ADAMTS17: variants seen among roughly 807,000 people sequenced by gnomAD.
The protein encoded by ADAMTS17 is A disintegrin and metalloproteinase with thrombospondin motifs 17.
A neutral mutation model predicts 141.5 loss-of-function variants in ADAMTS17; 113 were observed. The ratio of observed to expected loss-of-function variants is 0.80; its 90% CI spans 0.69 to 0.93. ADAMTS17 has a LOEUF of 0.93. ADAMTS17 is among the 40% of genes least tolerant of loss of function. ADAMTS17 has a pLI of 0.00. For missense variants in ADAMTS17, 1,659 were observed against 1,517.9 expected, an observed-to-expected ratio of 1.09 and a Z score of -1.54; for synonymous variants, 768 against 630.6, an observed-to-expected ratio of 1.22 and a Z score of -3.27.
At chr15:100,008,008 T>C (rs2061071534) in intron 18 of ADAMTS17, among the ~76,000 whole-genome samples, 1 of 152,080 alleles carries the variant, frequency 6.6e-6, no homozygotes. Flanking sequence ...GGGAAGGGAC[T>C]GCACCTGTAG....
chr15:99,980,681 C>T (rs1429828144), intron 20 of ADAMTS17: 3 of 152,242 alleles, frequency 2.0e-5, no homozygotes, highest in East Asian at 1.9e-4. Flanking sequence ...GAAGGGCTTC[C>T]GTTTCTTCTG....
intron 7 of ADAMTS17, among the ~76,000 whole-genome samples, chr15:100,219,758 C>T (rs1333049873): frequency 6.6e-6 from 1 of 152,194 alleles, no homozygotes; most frequent in Non-Finnish European, 1.5e-5. Context: ...AAGGCCCCTT[C>T]ATCTGACCTG....
intron 7 of ADAMTS17, among the ~76,000 whole-genome samples, chr15:100,226,492 T>G (rs1344554017): frequency 6.6e-6 from 1 of 152,194 alleles, no homozygotes; most frequent in East Asian, 1.9e-4. Flanking sequence ...GACCACGAAG[T>G]GAAGAGAGGC....
rs560288275 is a variant in ADAMTS17 at position 100,172,674 on chromosome 15, G to A, written c.1182-17354C>T. The stretch of plus-strand genomic sequence containing the variant: ...CCTGCTCTCTTTAAAATAGCCAATC[G>A]GAATTAGCTTAGACTGTGCGGTCCC... On this transcript the variant is annotated intron_variant, in intron 8 of 21. Transcript: ENST00000268070. Among the ~76,000 whole-genome samples, 42 of 152,250 alleles carry A rather than the reference G, an allele frequency of 2.8e-4. 2 individuals carry two copies. Among genetic ancestry groups the A allele is most frequent in the African/African-American group, 8.4e-4 (35 of 41,528 alleles).
chr15:100,002,521 C>T (rs981314702), intron 18 of ADAMTS17, among the ~76,000 whole-genome samples: 4 of 151,980 alleles, frequency 2.6e-5, no homozygotes, highest in African/African-American at 7.3e-5. Context: ...AAGAGCTGGG[C>T]GAGGCTCAGC....
rs151082504 is a variant in ADAMTS17, at chr15:100,197,755, G to A, written c.1181+1563C>T. On this transcript the variant is annotated intron_variant, in intron 8 of 21. Coordinates refer to ENST00000268070, the MANE Select transcript of ADAMTS17 (RefSeq NM_139057.4). ...TCACATCATGACATACAATAGGTAC[G>A]GAAAGGCCAACTACCAAACCCCTCT... is the stretch of plus-strand genomic sequence containing the variant. 9.9e-5 allele frequency among the ~76,000 whole-genome samples: 15 copies of A among 152,160 alleles called. No homozygotes were observed. In the East Asian group the frequency reaches 2.5e-3, roughly 25 times the overall value.
At chr15:100,141,649 G>A (rs997509085) in intron 10 of ADAMTS17, among the ~76,000 whole-genome samples, 6 of 152,160 alleles carry the variant, frequency 3.9e-5, no homozygotes, top group Non-Finnish European at 5.9e-5. Context: ...TACAGAGACC[G>A]TCACCTGGCT....
chr15:100,010,165 C>A (rs1407434810), intron 18 of ADAMTS17, among the ~76,000 whole-genome samples: 2 of 152,210 alleles, frequency 1.3e-5, no homozygotes, highest in African/African-American at 2.4e-5. Flanking sequence ...TGTGAGGCCT[C>A]CCCTGCCACG....
intron 3 of ADAMTS17, among the ~76,000 whole-genome samples, chr15:100,323,444 G>A (rs936732743): frequency 6.6e-6 from 1 of 152,148 alleles, no homozygotes; most frequent in African/African-American, 2.4e-5. Context: ...TTAGAAGTGG[G>A]TACTAGAAAT....
At chr15:100,024,067 T>C (rs2061456013) in intron 18 of ADAMTS17, among the ~76,000 whole-genome samples, 1 of 151,058 alleles carries the variant, frequency 6.6e-6, no homozygotes, top group South Asian at 2.1e-4. Flanking sequence ...TCCTATGCAA[T>C]CAAAAATCTT....
intron 14 of ADAMTS17, among the ~76,000 whole-genome samples, chr15:100,106,483 G>C (rs896382322): frequency 6.6e-6 from 1 of 152,194 alleles, no homozygotes; most frequent in Non-Finnish European, 1.5e-5. Context: ...GTCATAGTAT[G>C]GAACATCCTC....
intron 15 of ADAMTS17, among the ~76,000 whole-genome samples, chr15:100,079,018 C>A (rs527430610): frequency 2.6e-5 from 4 of 152,180 alleles, no homozygotes; most frequent in South Asian, 4.1e-4. Flanking sequence ...CAAGGACATA[C>A]CACATTGTAC....
At chr15:100,007,827 C>A (rs1049886595) in intron 18 of ADAMTS17, among the ~76,000 whole-genome samples, 1 of 152,032 alleles carries the variant, frequency 6.6e-6, no homozygotes, top group African/African-American at 2.4e-5. Flanking sequence ...GCTGGAAAGT[C>A]ATGAGCAAAG....
chr15:100,054,056 T>C lies in ADAMTS17; in HGVS notation c.2138-2A>G, dbSNP rs2032358181. On this transcript the variant is annotated splice_acceptor_variant, in intron 15 of 21. Coordinates refer to ENST00000268070, the MANE Select transcript of ADAMTS17 (RefSeq NM_139057.4). LOFTEE classifies it high-confidence loss of function. ...ACCCCTTACCCGAGTCTTTGAGAGC[T>C]AGAAAGCAAGTTGAAGACCAAAGAA... 1 of 1,614,114 alleles carries C rather than the reference T, an allele frequency of 6.2e-7. No homozygotes were observed. The highest frequency in any genetic ancestry group is 8.5e-7 in the Non-Finnish European group (1 of 1,180,034).
At chr15:100,156,871 T>C (rs1158931057) in intron 8 of ADAMTS17, among the ~76,000 whole-genome samples, 1 of 152,230 alleles carries the variant, frequency 6.6e-6, no homozygotes, top group Non-Finnish European at 1.5e-5. Flanking sequence ...AAACTCTTAT[T>C]ATAGGCATGC....
At chr15:100,215,375 G>T (rs954082296) in intron 7 of ADAMTS17, among the ~76,000 whole-genome samples, 1 of 152,170 alleles carries the variant, frequency 6.6e-6, no homozygotes, top group Non-Finnish European at 1.5e-5. Context: ...AATGTCTGGC[G>T]TTCTTCTGAT....
At position 99,976,230 on chromosome 15, in the gene ADAMTS17, G is replaced by A. The variant is rs779993753; in HGVS notation, c.2950-8C>T. 2.6e-6 allele frequency: 4 copies of A among 1,542,334 alleles called. No individual in the cohort carries two copies. The South Asian group carries it at 4.8e-5, about 18-fold the overall frequency. ...CCCGCAGGTCGACGAGCACTGCAGA[G>A]ACAGGACAGCCTGAGTGGGGCTGAC... On this transcript the variant is annotated splice_region_variant and splice_polypyrimidine_tract_variant and intron_variant, in intron 20 of 21. Transcript: ENST00000268070.
intron 8 of ADAMTS17, among the ~76,000 whole-genome samples, chr15:100,167,727 G>A (rs61249758): frequency 0.021 from 3,181 of 152,308 alleles, 128 homozygotes; most frequent in East Asian, 0.17. Context: ...ACAAAAGCGC[G>A]TATGGCGAAA....
rs986957931 is a variant in ADAMTS17 at position 100,070,593 on chromosome 15, C to T, written c.2138-16539G>A. Among the ~76,000 whole-genome samples, 8 of 149,966 alleles carry T rather than the reference C, an allele frequency of 5.3e-5. 1 individual carries two copies. The highest frequency in any genetic ancestry group is 9.9e-5 in the African/African-American group (4 of 40,518). On this transcript the variant is annotated intron_variant, in intron 15 of 21. Coordinates refer to ENST00000268070, the MANE Select transcript of ADAMTS17 (RefSeq NM_139057.4). Reference sequence around the variant, plus strand: ...AGAACTCAGGATTAAGAAACTCACTCAAAACTGCTCAACTACATGGAAACT... The same window carrying T: ...AGAACTCAGGATTAAGAAACTCACTTAAAACTGCTCAACTACATGGAAACT...
Sources: allele counts gnomAD v4.1 joint callset (sites outside exome capture counted in the v4.1 genomes callset), GRCh38; gene constraint gnomAD v4.1.1; transcripts MANE v1.5; gene names NCBI Gene and HGNC (gene_info 2026-07-23, HGNC 2026-07-21).